The following PHTF2 variants were observed in gnomAD, a reference collection of about 807,000 sequenced individuals.
PHTF2 encodes protein PHTF2.
In PHTF2, 60 loss-of-function variants were observed where a neutral mutation model predicts 101.2. The observed-to-expected ratio is 0.59, with a 90% CI of 0.48 to 0.73. The LOEUF (loss-of-function observed/expected upper bound fraction) is 0.73, where lower values mean the gene tolerates loss of function less well. Among genes scored for constraint, PHTF2 ranks in the 30% least tolerant of loss-of-function variants. PHTF2 has a pLI of 0.00. For synonymous variants in PHTF2, 311 were observed against 307.3 expected (o/e 1.01, Z -0.13); for missense variants, 747 against 908.7 (o/e 0.82, Z 2.29).
intron 1 of PHTF2, among the ~76,000 whole-genome samples, chr7:77,810,691 C>G (rs1750740460): frequency 6.6e-6 from 1 of 151,526 alleles, no homozygotes; most frequent in Non-Finnish European, 1.5e-5. Flanking sequence ...GCACGTACCA[C>G]TGCACCTGGC....
chr7:77,949,831 C>G, exon 17 of PHTF2: 1 of 1,448,810 alleles, frequency 6.9e-7, no homozygotes, highest in Non-Finnish European at 9.5e-7. Context: ...ACTTACTGAA[C>G]AGGTGAGTGT....
At chr7:77,828,773 C>T (rs1247416582) in intron 1 of PHTF2, among the ~76,000 whole-genome samples, 1 of 151,958 alleles carries the variant, frequency 6.6e-6, no homozygotes, top group Non-Finnish European at 1.5e-5. Flanking sequence ...GAGGCTGAGG[C>T]ACAAGAATTG....
At chr7:77,822,785 A>G (rs978147882) in intron 1 of PHTF2, among the ~76,000 whole-genome samples, 2 of 152,122 alleles carry the variant, frequency 1.3e-5, no homozygotes, top group African/African-American at 4.8e-5. Context: ...TTGACACTCA[A>G]GCTGAATCTT....
At position 77,921,521 on chromosome 7, in the gene PHTF2, A is replaced by G. The variant is rs1803456752; in HGVS notation, c.963+1056A>G. Among the ~76,000 whole-genome samples the G allele has an allele frequency of 3.3e-5, 5 of 152,350 alleles. 1 individual carries two copies. Among genetic ancestry groups the G allele is most frequent in the African/African-American group, 7.2e-5 (3 of 41,590 alleles). On this transcript the variant is annotated intron_variant, in intron 10 of 19. Coordinates refer to ENST00000416283, the Ensembl canonical transcript of PHTF2. ...AGGATTCTCTAATTTTGGGTAAAGT[A>G]TATGTTACTACTTGAACGTTCATGT... is the stretch of plus-strand genomic sequence containing the variant.
chr7:77,932,934 G>A (rs1804741272), intron 12 of PHTF2, among the ~76,000 whole-genome samples: 1 of 152,012 alleles, frequency 6.6e-6, no homozygotes, highest in African/African-American at 2.4e-5. Flanking sequence ...TGAGTAATGT[G>A]CCCAAAGTCA....
chr7:77,866,926 A>G (rs550694463), intron 3 of PHTF2, among the ~76,000 whole-genome samples: 1 of 152,330 alleles, frequency 6.6e-6, no homozygotes, highest in Non-Finnish European at 1.5e-5. Context: ...AAAAGAATGC[A>G]AATAGGCATA....
At chr7:77,875,752 T>C (rs1383363351) in intron 3 of PHTF2, among the ~76,000 whole-genome samples, 1 of 151,130 alleles carries the variant, frequency 6.6e-6, no homozygotes, top group Non-Finnish European at 1.5e-5. Context: ...AGAGACGGGG[T>C]TTCAGTGCGT....
chr7:77,952,718 G>A (rs1806659368), intron 18 of PHTF2, among the ~76,000 whole-genome samples: 1 of 152,196 alleles, frequency 6.6e-6, no homozygotes, highest in Non-Finnish European at 1.5e-5. Context: ...CACAATCTCA[G>A]AGCAAAGTAT....
intron 12 of PHTF2, among the ~76,000 whole-genome samples, chr7:77,932,153 G>A (rs1170309277): frequency 1.3e-5 from 2 of 152,126 alleles, no homozygotes; most frequent in Admixed American, 6.5e-5. Flanking sequence ...AAAAAACAAA[G>A]TGGTAATTAG....
intron 1 of PHTF2, among the ~76,000 whole-genome samples, chr7:77,818,118 A>C (rs1794002102): frequency 6.6e-6 from 1 of 152,098 alleles, no homozygotes; most frequent in South Asian, 2.1e-4. Context: ...CTCAAAAAAA[A>C]AAAAAAACAA....
intron 1 of PHTF2, among the ~76,000 whole-genome samples, chr7:77,835,750 T>C (rs1003917852): frequency 1.3e-5 from 2 of 152,130 alleles, no homozygotes; most frequent in African/African-American, 4.8e-5. Flanking sequence ...ATAACACATA[T>C]TTTATATGTT....
At chr7:77,935,246 G>T (rs1433083578) in intron 12 of PHTF2, among the ~76,000 whole-genome samples, 2 of 117,030 alleles carry the variant, frequency 1.7e-5, no homozygotes, top group African/African-American at 7.0e-5. Context: ...TTTTTCAGAC[G>T]GAGTCCCACT....
At chr7:77,955,345 A>G (rs560862505) in exon 20 of PHTF2, 1 of 152,856 alleles carries the variant, frequency 6.5e-6, no homozygotes, top group African/African-American at 2.4e-5. Context: ...TTTCTCTTGA[A>G]TTATTTTGGA....
intron 5 of PHTF2, among the ~76,000 whole-genome samples, chr7:77,898,576 G>A (rs551528891): frequency 3.3e-5 from 5 of 152,244 alleles, no homozygotes; most frequent in African/African-American, 1.2e-4. Flanking sequence ...TACAGATACA[G>A]CCCATACTCA....
rs766653203 is a variant in PHTF2 at position 77,908,779 on chromosome 7, T to C, written c.446-14T>C. Reference sequence around the variant, plus strand: ...AGATCTATAATTAAGCATATTTTCTTTCCCTTTTTATAGTTGCTGCAATAG... The same window carrying C: ...AGATCTATAATTAAGCATATTTTCTCTCCCTTTTTATAGTTGCTGCAATAG... On this transcript the variant is annotated splice_polypyrimidine_tract_variant and intron_variant, in intron 7 of 19. Coordinates refer to ENST00000416283, the Ensembl canonical transcript of PHTF2. The C allele has an allele frequency of 2.6e-6, 4 of 1,516,122 alleles. No homozygotes were observed. In the Admixed American group the frequency reaches 8.1e-5, roughly 31 times the overall value. The allele number at this position is 1,516,122 out of a possible 1,614,324, so 93.9% of individuals were successfully genotyped here. A position where few individuals can be genotyped will look rare whatever the true frequency, so the allele number is the denominator to read the frequency against.
At chr7:77,856,893 C>T (rs148121297) in intron 3 of PHTF2, among the ~76,000 whole-genome samples, 4 of 152,120 alleles carry the variant, frequency 2.6e-5, no homozygotes, top group African/African-American at 9.6e-5. Context: ...GGCACTAATC[C>T]CCCACAGATA....
Position 77,948,419 on chromosome 7 carries a change from G to C in PHTF2, c.1960-1259G>C, listed in dbSNP as rs542140706. On this transcript the variant is annotated intron_variant, in intron 16 of 19. Coordinates refer to ENST00000416283, the Ensembl canonical transcript of PHTF2. Reference sequence around the variant, plus strand: ...TATACATAAAAATAAATTCTAGGTGGATTAAAGATCTAAATATGAAAAAAT... The same window carrying C: ...TATACATAAAAATAAATTCTAGGTGCATTAAAGATCTAAATATGAAAAAAT... 2.0e-5 allele frequency among the ~76,000 whole-genome samples: 3 copies of C among 151,924 alleles called. No individual in the cohort carries two copies. In the East Asian group the frequency reaches 5.8e-4, roughly 29 times the overall value.
At chr7:77,839,615 A>G (rs941529016) in intron 1 of PHTF2, among the ~76,000 whole-genome samples, 2 of 152,150 alleles carry the variant, frequency 1.3e-5, no homozygotes, top group African/African-American at 4.8e-5. Flanking sequence ...TTGAGGATTA[A>G]TTGTCATAAC....
intron 3 of PHTF2, among the ~76,000 whole-genome samples, chr7:77,883,264 G>C (rs192070387): frequency 6.6e-6 from 1 of 152,234 alleles, no homozygotes; most frequent in Admixed American, 6.5e-5. Flanking sequence ...TTCTGGATGA[G>C]ATTTGTCTGA....
Sources: allele counts gnomAD v4.1 joint callset (sites outside exome capture counted in the v4.1 genomes callset), GRCh38; gene constraint gnomAD v4.1.1; transcripts MANE v1.5; gene names NCBI Gene and HGNC (gene_info 2026-07-23, HGNC 2026-07-21).